Variants in NRXN3 observed in about 807,000 individuals in gnomAD.
NRXN3 encodes the protein neurexin 3, also known as neurexin III.
A neutral mutation model predicts 137.6 loss-of-function variants in NRXN3; 32 were observed. That is an observed-to-expected ratio of 0.23 (90% CI 0.18 to 0.31). The LOEUF (loss-of-function observed/expected upper bound fraction) is 0.31. Among genes scored for constraint, NRXN3 ranks in the 10% least tolerant of loss-of-function variants. The pLI, the probability that NRXN3 is intolerant of heterozygous loss-of-function variation, is 1.00. For synonymous variants in NRXN3, 798 were observed against 784.5 expected, an observed-to-expected ratio of 1.02 and a Z score of -0.29; for missense variants, 1,574 against 2,062.5, an observed-to-expected ratio of 0.76 and a Z score of 4.59.
intron 4 of NRXN3, among the ~76,000 whole-genome samples, chr14:78,633,912 G>A (rs1425574590): frequency 6.6e-6 from 1 of 152,190 alleles, no homozygotes; most frequent in African/African-American, 2.4e-5. Context: ...AGACTTGCAG[G>A]CTAGAGCCCA....
At chr14:79,724,918 T>C (rs1251734219) in intron 19 of NRXN3, among the ~76,000 whole-genome samples, 1 of 152,078 alleles carries the variant, frequency 6.6e-6, no homozygotes, top group African/African-American at 2.4e-5. Flanking sequence ...GATGATATAA[T>C]GGAGGCTAGA....
chr14:78,800,167 G>A (rs1333140142), intron 8 of NRXN3, among the ~76,000 whole-genome samples: 2 of 152,260 alleles, frequency 1.3e-5, no homozygotes, highest in African/African-American at 4.8e-5. Context: ...GCATGGGTGT[G>A]CTCCAGGCAT....
intron 4 of NRXN3, among the ~76,000 whole-genome samples, chr14:78,302,466 T>C (rs946002113): frequency 2.6e-5 from 4 of 152,162 alleles, no homozygotes; most frequent in Admixed American, 2.0e-4. Flanking sequence ...GACTACTAAG[T>C]GAGAATCAAA....
At chr14:79,100,532 T>C (rs1361797358) in intron 15 of NRXN3, among the ~76,000 whole-genome samples, 2 of 152,216 alleles carry the variant, frequency 1.3e-5, no homozygotes, top group East Asian at 3.8e-4. Flanking sequence ...TATTAGATCC[T>C]AGAAATGAGT....
chr14:79,077,168 A>C (rs1296744369), intron 15 of NRXN3, among the ~76,000 whole-genome samples: 2 of 152,200 alleles, frequency 1.3e-5, no homozygotes, highest in East Asian at 3.9e-4. Flanking sequence ...AACAATTAGA[A>C]GTTTATTCTT....
At chr14:78,768,538 T>C (rs1383940046) in intron 8 of NRXN3, among the ~76,000 whole-genome samples, 1 of 152,164 alleles carries the variant, frequency 6.6e-6, no homozygotes, top group Non-Finnish European at 1.5e-5. Flanking sequence ...CACTACATGA[T>C]AAGAAACAAG....
intron 4 of NRXN3, among the ~76,000 whole-genome samples, chr14:78,305,326 G>A (rs1271198675): frequency 1.3e-5 from 2 of 152,088 alleles, no homozygotes; most frequent in Admixed American, 6.5e-5. Flanking sequence ...GGGGGATTTA[G>A]TTTCTTTTTC....
chr14:79,028,547 G>A (rs1213486537), intron 15 of NRXN3, among the ~76,000 whole-genome samples: 2 of 152,122 alleles, frequency 1.3e-5, no homozygotes, highest in Non-Finnish European at 2.9e-5. Context: ...AGATAAAGTG[G>A]ATCAAACAAA....
chr14:78,930,518 A>G (rs2099318584), intron 10 of NRXN3, among the ~76,000 whole-genome samples: 1 of 152,196 alleles, frequency 6.6e-6, no homozygotes, highest in African/African-American at 2.4e-5. Flanking sequence ...TGGGAGAGAT[A>G]GGCATGTAAA....
At chr14:78,838,024 A>G (rs1201290466) in intron 10 of NRXN3, among the ~76,000 whole-genome samples, 1 of 152,164 alleles carries the variant, frequency 6.6e-6, no homozygotes, top group Non-Finnish European at 1.5e-5. Flanking sequence ...AATTATATAG[A>G]TTAGATTTTT....
At chr14:78,371,173 C>A (rs1033964244) in intron 4 of NRXN3, among the ~76,000 whole-genome samples, 1 of 152,102 alleles carries the variant, frequency 6.6e-6, no homozygotes, top group African/African-American at 2.4e-5. Flanking sequence ...TTTTGGCCTG[C>A]CCTGCCTCCT....
intron 10 of NRXN3, among the ~76,000 whole-genome samples, chr14:78,942,542 C>T (rs1269964882): frequency 6.6e-6 from 1 of 151,872 alleles, no homozygotes; most frequent in Non-Finnish European, 1.5e-5. Context: ...GGAGTAGTAC[C>T]AGGAACGTAG....
chr14:79,820,330 A>G (rs2099267723), intron 20 of NRXN3, among the ~76,000 whole-genome samples: 1 of 152,118 alleles, frequency 6.6e-6, no homozygotes, highest in African/African-American at 2.4e-5. Context: ...TGTTAGAGGT[A>G]GCAGATTATA....
chr14:79,365,725 C>CAAAAAAAAAAAAAAAAAAAA (rs569855024), intron 15 of NRXN3, among the ~76,000 whole-genome samples: 29 of 42,366 alleles, frequency 6.8e-4, no homozygotes, highest in South Asian at 1.2e-3. Context: ...GACTCTGTCT[C>CAAAAAAAAAAAAAAAAAAAA]AAAAAAAAAA....
intron 15 of NRXN3, among the ~76,000 whole-genome samples, chr14:79,124,097 C>T (rs193225876): frequency 6.6e-6 from 1 of 152,280 alleles, no homozygotes; most frequent in East Asian, 1.9e-4. Flanking sequence ...TAATGTAGGT[C>T]TGGGGGCTTT....
intron 2 of NRXN3, among the ~76,000 whole-genome samples, chr14:78,262,190 G>T (rs116687142): frequency 6.6e-6 from 1 of 152,128 alleles, no homozygotes; most frequent in African/African-American, 2.4e-5. Context: ...GTTTGATATC[G>T]TTGGCCAGAA....
At chr14:79,657,665 G>A (rs1024154881) in intron 16 of NRXN3, among the ~76,000 whole-genome samples, 9 of 152,124 alleles carry the variant, frequency 5.9e-5, no homozygotes, top group Admixed American at 2.0e-4. Flanking sequence ...CAAAAAGAGC[G>A]CAAATTATGT....
chr14:79,468,218 A>T (rs1182927758), intron 16 of NRXN3, among the ~76,000 whole-genome samples: 1 of 152,228 alleles, frequency 6.6e-6, no homozygotes, highest in Non-Finnish European at 1.5e-5. Context: ...ATTAAAAATG[A>T]TTTAGAAGAA....
intron 15 of NRXN3, among the ~76,000 whole-genome samples, chr14:79,180,892 CAA>C (rs969516837): frequency 2.2e-4 from 34 of 151,560 alleles, no homozygotes; most frequent in African/African-American, 4.6e-4. Context: ...TATATGTAGC[CAA>C]GAGAGAGAGA....
Sources: allele counts gnomAD v4.1 joint callset (sites outside exome capture counted in the v4.1 genomes callset), GRCh38; gene constraint gnomAD v4.1.1; transcripts MANE v1.5; gene names NCBI Gene and HGNC (gene_info 2026-07-23, HGNC 2026-07-21).